ZNF184: variants seen among roughly 807,000 people sequenced by gnomAD.
ZNF184 encodes the protein zinc finger protein 184 (Kruppel-like).
A neutral mutation model predicts 54.4 loss-of-function variants in ZNF184; 16 were observed. The observed-to-expected ratio is 0.29, with a 90% confidence interval of 0.20 to 0.45. ZNF184 has a LOEUF of 0.45. ZNF184 is among the 20% of genes least tolerant of loss of function. The probability of loss-of-function intolerance (pLI) is 1.00; values close to 1 mark genes in which losing one functional copy is unlikely to be tolerated. For missense variants in ZNF184, 681 were observed against 888.2 expected (o/e 0.77, Z 2.97); for synonymous variants, 254 against 295.3 (o/e 0.86, Z 1.43).
At chr6:27,412,866 C>T in the ZNF184 span, among the ~76,000 whole-genome samples, 1 of 152,164 alleles carries the variant, frequency 6.6e-6, no homozygotes, top group Non-Finnish European at 1.5e-5. Flanking sequence ...AGAGCAAGAC[C>T]CTGTCTCTGA....
the ZNF184 span, among the ~76,000 whole-genome samples, chr6:27,430,501 A>G: frequency 6.6e-6 from 1 of 152,188 alleles, no homozygotes. Flanking sequence ...GTATTCTTGT[A>G]AGAGGGAAGG....
chr6:27,411,694 G>A, the ZNF184 span, among the ~76,000 whole-genome samples: 4 of 152,204 alleles, frequency 2.6e-5, no homozygotes, highest in Non-Finnish European at 4.4e-5. Flanking sequence ...AGAAATTAAG[G>A]GTCTTTTAAT....
intron 5 of ZNF184, among the ~76,000 whole-genome samples, chr6:27,454,476 A>T (rs549121188): frequency 3.9e-5 from 6 of 152,378 alleles, no homozygotes; most frequent in African/African-American, 1.2e-4. Flanking sequence ...ATATGTTTTC[A>T]TCAACAGAAA....
intron 3 of ZNF184, among the ~76,000 whole-genome samples, chr6:27,463,456 T>A (rs960436677): frequency 1.3e-5 from 2 of 151,782 alleles, no homozygotes; most frequent in Non-Finnish European, 2.9e-5. Context: ...AAAATAATTT[T>A]AAAAAAAGAG....
At position 27,452,667 on chromosome 6, in the gene ZNF184, T is replaced by G; in HGVS notation, c.892A>C (p.Arg298=). 1 of 1,614,144 alleles carries G rather than the reference T, an allele frequency of 6.2e-7. No homozygotes were observed. The highest frequency in any genetic ancestry group is 8.5e-7 in the Non-Finnish European group (1 of 1,180,010). The change falls in exon 6 of 6, where the codon AGA becomes CGA. Residue 298 remains arginine, a synonymous_variant. Coordinates refer to ENST00000683788, the MANE Select transcript of ZNF184 (RefSeq NM_001318891.2). This position sits in a 1 kb window ranked among gnomAD's most constrained non-coding sequence, Gnocchi z 5.5. The part of the protein sequence containing the change: ...IEGPSLTQHQ[R]IHTGEKPYKC... Reference sequence around the variant, plus strand: ...TATGGTTTTTCTCCAGTATGAATTCTTTGATGTTGAGTAAGAGATGGACCC... The same window carrying G: ...TATGGTTTTTCTCCAGTATGAATTCGTTGATGTTGAGTAAGAGATGGACCC...
chr6:27,465,031 A>AAAG (rs1763092717), intron 3 of ZNF184, among the ~76,000 whole-genome samples: 1 of 148,468 alleles, frequency 6.7e-6, no homozygotes, highest in African/African-American at 2.5e-5. Context: ...AAAAAAAAAA[A>AAAG]AAAAAATAGA....
intron 2 of ZNF184, among the ~76,000 whole-genome samples, chr6:27,471,587 G>C (rs1301902179): frequency 1.3e-5 from 2 of 152,168 alleles, no homozygotes; most frequent in Non-Finnish European, 2.9e-5. Context: ...TGCATTTTAA[G>C]AAAAATGCTG....
chr6:27,423,468 A>C, the ZNF184 span, among the ~76,000 whole-genome samples: 1 of 152,222 alleles, frequency 6.6e-6, no homozygotes, highest in South Asian at 2.1e-4. Flanking sequence ...TGTGAGTTTG[A>C]AGAAAGATGA....
intron 5 of ZNF184, 88 bp downstream of exon 5, chr6:27,456,738 G>T: frequency 8.8e-7 from 1 of 1,130,414 alleles, no homozygotes; most frequent in Non-Finnish European, 1.3e-6. Context: ...AGGGAAGAAA[G>T]TACATCTACA....
the ZNF184 span, among the ~76,000 whole-genome samples, chr6:27,439,249 G>A: frequency 2.0e-5 from 3 of 152,174 alleles, no homozygotes; most frequent in African/African-American, 7.2e-5. Context: ...TGCACTATCT[G>A]TAGTTTCCCT....
the ZNF184 span, among the ~76,000 whole-genome samples, chr6:27,433,809 A>T: frequency 1.3e-5 from 2 of 152,136 alleles, no homozygotes; most frequent in African/African-American, 4.8e-5. Context: ...CGGATGCACA[A>T]ATATCTCTTC....
In ZNF184 at chr6:27,452,168, T is replaced by A; in HGVS notation, c.1391A>T (p.His464Leu). 6.2e-7 allele frequency: 1 copy of A among 1,614,166 alleles called. No individual in the cohort carries two copies. The highest frequency in any genetic ancestry group is 8.5e-7 in the Non-Finnish European group (1 of 1,180,024). Residue 464 changes from histidine to leucine, a missense_variant, in exon 6 of 6, where the codon CAC (histidine) becomes CTC (leucine). Coordinates refer to ENST00000683788, the MANE Select transcript of ZNF184 (RefSeq NM_001318891.2). This position sits in a 1 kb window ranked among gnomAD's most constrained non-coding sequence, Gnocchi z 5.5. ...TTTTTCTCCAGTATGAATTTTCAGG[T>A]GTTGAGCAAGGGATGACCAGTAACT... ...SFSYWSSLAQ[H>L]LKIHTGEKPY...
chr6:27,411,402 G>A, the ZNF184 span, among the ~76,000 whole-genome samples: 1 of 152,192 alleles, frequency 6.6e-6, no homozygotes, highest in African/African-American at 2.4e-5. Context: ...AGTGAAACTG[G>A]TGACTAGATA....
chr6:27,445,460 A>T, the ZNF184 span, among the ~76,000 whole-genome samples: 4 of 152,052 alleles, frequency 2.6e-5, no homozygotes, highest in African/African-American at 9.7e-5. Flanking sequence ...TGATTAGGTT[A>T]TTAGGGATCT....
chr6:27,455,096 T>C (rs1424261584), intron 5 of ZNF184, among the ~76,000 whole-genome samples: 1 of 152,138 alleles, frequency 6.6e-6, no homozygotes, highest in Admixed American at 6.5e-5. Flanking sequence ...TGTAAAGATA[T>C]CTACAAAACT....
chr6:27,414,117 T>C, the ZNF184 span, among the ~76,000 whole-genome samples: 1 of 152,246 alleles, frequency 6.6e-6, no homozygotes, highest in Non-Finnish European at 1.5e-5. Flanking sequence ...TAAAAATATC[T>C]AAACCATCAG....
At chr6:27,426,163 C>T in the ZNF184 span, among the ~76,000 whole-genome samples, 2 of 152,226 alleles carry the variant, frequency 1.3e-5, no homozygotes, top group East Asian at 3.8e-4. This position sits in a 1 kb window ranked among gnomAD's most constrained non-coding sequence, Gnocchi z 4.2. Context: ...TGGCTTATAG[C>T]CTTCCACTCT....
chr6:27,422,978 CAG>C, the ZNF184 span, among the ~76,000 whole-genome samples: 6 of 152,224 alleles, frequency 3.9e-5, no homozygotes, highest in Non-Finnish European at 5.9e-5. Context: ...CAAGGGCGCG[CAG>C]AGACTCAGGT....
the ZNF184 span, among the ~76,000 whole-genome samples, chr6:27,423,670 T>C: frequency 3.9e-4 from 59 of 152,152 alleles, no homozygotes; most frequent in African/African-American, 1.4e-3. Context: ...GCTCAGATCA[T>C]CCCTGGGCAT....
Sources: allele counts gnomAD v4.1 joint callset (sites outside exome capture counted in the v4.1 genomes callset), GRCh38; gene constraint gnomAD v4.1.1; non-coding constraint Gnocchi (gnomAD v3.1); transcripts MANE v1.5; gene names NCBI Gene and HGNC (gene_info 2026-07-23, HGNC 2026-07-21).